PTPRG: variants seen among roughly 807,000 people sequenced by gnomAD.
The protein encoded by PTPRG is receptor-type tyrosine-protein phosphatase gamma.
A neutral mutation model predicts 165.3 loss-of-function variants in PTPRG; 102 were observed. The observed-to-expected ratio is 0.62, with a 90% confidence interval of 0.53 to 0.73. PTPRG has a LOEUF of 0.73. PTPRG is among the 30% of genes least tolerant of loss of function. The pLI is 0.00. For synonymous variants in PTPRG, 675 were observed against 669.5 expected, an observed-to-expected ratio of 1.01 and a Z score of -0.13; for missense variants, 1,866 against 1,861.4, an observed-to-expected ratio of 1.00 and a Z score of -0.05.
At chr3:61,754,438 G>A (rs1204506281) in intron 2 of PTPRG, among the ~76,000 whole-genome samples, 2 of 152,176 alleles carry the variant, frequency 1.3e-5, no homozygotes, top group African/African-American at 4.8e-5. Context: ...TAACATGCAT[G>A]TGTGTGTCTG....
At position 61,694,020 on chromosome 3, in the gene PTPRG, A is replaced by AG. The variant is rs1243693941; in HGVS notation, c.86-54858_86-54857insG. On this transcript the variant is annotated intron_variant, in intron 1 of 29. Coordinates refer to ENST00000474889, the MANE Select transcript of PTPRG (RefSeq NM_002841.4). Reference sequence around the variant, plus strand: ...GAGACTCCATCTCCAAAAAAAAAAAAAAAAAAGAGAGAGAGAGAGAGAGGG... The same window carrying AG: ...GAGACTCCATCTCCAAAAAAAAAAAAGAAAAAAGAGAGAGAGAGAGAGAGGG... 9.4e-4 allele frequency among the ~76,000 whole-genome samples: 139 copies of AG among 147,944 alleles called. 1 individual carries two copies. Among genetic ancestry groups the AG allele is most frequent in the African/African-American group, 3.4e-3 (134 of 39,984 alleles).
At chr3:61,736,176 A>G (rs2680239) in intron 1 of PTPRG, among the ~76,000 whole-genome samples, 111,017 of 151,604 alleles carry the variant, frequency 0.73, 41,011 homozygotes, top group Middle Eastern at 0.81. Flanking sequence ...CCAAAGTGCT[A>G]GGATTACAGG....
At chr3:62,146,928 T>G (rs367688608) in intron 6 of PTPRG, among the ~76,000 whole-genome samples, 2 of 152,192 alleles carry the variant, frequency 1.3e-5, no homozygotes. Flanking sequence ...TCAATTTCTT[T>G]TAGCCATGTA....
chr3:62,277,528 T>A, intron 25 of PTPRG, 23 bp from the exon 26 acceptor site: 1 of 1,605,912 alleles, frequency 6.2e-7, no homozygotes, highest in Non-Finnish European at 8.5e-7. Context: ...ATTCACTGAT[T>A]TTTTTTGTCT....
At chr3:62,023,773 T>G (rs990543433) in intron 4 of PTPRG, among the ~76,000 whole-genome samples, 1 of 152,124 alleles carries the variant, frequency 6.6e-6, no homozygotes, top group Non-Finnish European at 1.5e-5. Flanking sequence ...TGTTTTGAGG[T>G]GAGCATTAAA....
At chr3:61,981,424 A>G (rs996472855) in intron 2 of PTPRG, among the ~76,000 whole-genome samples, 1 of 152,234 alleles carries the variant, frequency 6.6e-6, no homozygotes, top group Non-Finnish European at 1.5e-5. Flanking sequence ...GGAGGATGAG[A>G]TTCCACTAAT....
intron 4 of PTPRG, among the ~76,000 whole-genome samples, chr3:62,052,112 T>C (rs1359140685): frequency 3.3e-5 from 5 of 152,298 alleles, no homozygotes; most frequent in East Asian, 1.9e-4. Context: ...TTTTTTGATA[T>C]ATGCTTTTAT....
At position 61,887,123 on chromosome 3, in the gene PTPRG, C is replaced by CATATATATATATATAT. The variant is rs148352398; in HGVS notation, c.191-102469_191-102454dup. On this transcript the variant is annotated intron_variant, in intron 2 of 29. Transcript: ENST00000474889. ...ATTTTTAAAGTATAACCATAGCATG[C>CATATATATATATATAT]ATATATATATATATATATATATATA... Among the ~76,000 whole-genome samples the CATATATATATATATAT allele has an allele frequency of 1.3e-3, 115 of 85,890 alleles. 3 individuals are homozygous for CATATATATATATATAT. The highest frequency in any genetic ancestry group is 3.3e-3 in the South Asian group (8 of 2,436). The allele number at this position is 85,890 out of a possible 152,430, so 56.3% of individuals were successfully genotyped here.
intron 6 of PTPRG, among the ~76,000 whole-genome samples, chr3:62,153,122 A>G (rs887323142): frequency 5.3e-5 from 8 of 152,148 alleles, no homozygotes; most frequent in African/African-American, 1.4e-4. Context: ...AACATCTTCA[A>G]ATTCACCTCT....
At chr3:61,998,202 G>T (rs1249903498) in intron 3 of PTPRG, among the ~76,000 whole-genome samples, 1 of 152,132 alleles carries the variant, frequency 6.6e-6, no homozygotes, top group Non-Finnish European at 1.5e-5. Context: ...TCCAGTTCAG[G>T]AGAAAACTAA....
At chr3:62,198,608 C>G (rs1700025094) in intron 10 of PTPRG, among the ~76,000 whole-genome samples, 1 of 152,102 alleles carries the variant, frequency 6.6e-6, no homozygotes, top group South Asian at 2.1e-4. Flanking sequence ...AGGAAAGGAA[C>G]CAATTATATT....
chr3:62,091,736 A>C (rs1398059937), intron 5 of PTPRG, among the ~76,000 whole-genome samples: 1 of 152,172 alleles, frequency 6.6e-6, no homozygotes, highest in Non-Finnish European at 1.5e-5. Context: ...ATACTAGGGC[A>C]TGGGAATTAT....
intron 4 of PTPRG, among the ~76,000 whole-genome samples, chr3:62,044,066 C>A (rs924589173): frequency 1.3e-5 from 2 of 152,230 alleles, no homozygotes; most frequent in Non-Finnish European, 2.9e-5. Flanking sequence ...TGAACACTCT[C>A]TCTTAACTTC....
intron 1 of PTPRG, among the ~76,000 whole-genome samples, chr3:61,714,803 T>C (rs937072777): frequency 6.6e-6 from 1 of 152,214 alleles, no homozygotes; most frequent in African/African-American, 2.4e-5. Context: ...ACCTCTGAAC[T>C]GTATTAATGG....
At chr3:62,045,149 A>G (rs1234882406) in intron 4 of PTPRG, among the ~76,000 whole-genome samples, 2 of 152,164 alleles carry the variant, frequency 1.3e-5, no homozygotes, top group African/African-American at 2.4e-5. Flanking sequence ...TTAGATGTCC[A>G]TTGTTGCTTT....
chr3:61,752,803 A>AAAAAAAAAAAAAAAAAAAG (rs1559592577), intron 2 of PTPRG, among the ~76,000 whole-genome samples: 2 of 33,126 alleles, frequency 6.0e-5, no homozygotes, highest in African/African-American at 1.7e-4. Context: ...AAAAAAAAAG[A>AAAAAAAAAAAAAAAAAAAG]AAAAAAAAAA....
At chr3:62,008,416 A>T (rs189964680) in intron 4 of PTPRG, among the ~76,000 whole-genome samples, 1 of 152,224 alleles carries the variant, frequency 6.6e-6, no homozygotes, top group Non-Finnish European at 1.5e-5. Flanking sequence ...AATTGATTGT[A>T]TGTGCCCCTT....
chr3:62,069,274 G>T (rs1701122259), intron 4 of PTPRG, among the ~76,000 whole-genome samples: 1 of 152,182 alleles, frequency 6.6e-6, no homozygotes. Context: ...CACAGAAGGG[G>T]ACACTGGGCC....
At chr3:62,289,316 C>A (rs1016995433) in intron 28 of PTPRG, among the ~76,000 whole-genome samples, 1 of 152,152 alleles carries the variant, frequency 6.6e-6, no homozygotes, top group Non-Finnish European at 1.5e-5. Flanking sequence ...TTAGTGATCA[C>A]TAAGAACTGA....
Sources: gnomAD v4.1 joint callset for allele counts (sites outside exome capture counted in the v4.1 genomes callset) on GRCh38, gnomAD v4.1.1 for gene constraint, MANE v1.5 for transcripts, NCBI Gene and HGNC (gene_info 2026-07-23, HGNC 2026-07-21) for gene names.